WNT7B: variants seen among roughly 807,000 people sequenced by gnomAD.
WNT7B encodes protein Wnt-7b.
Under a neutral mutation model 38.2 loss-of-function variants are expected in WNT7B, and 19 were observed. The observed-to-expected ratio is 0.50, with a 90% CI of 0.35 to 0.73. The LOEUF is 0.73. Among genes scored for constraint, WNT7B ranks in the 30% least tolerant of loss-of-function variants. The pLI is 0.01. For synonymous variants in WNT7B, 243 were observed against 209.3 expected, an observed-to-expected ratio of 1.16 and a Z score of -1.39; for missense variants, 423 against 507.9, an observed-to-expected ratio of 0.83 and a Z score of 1.61.
At chr22:45,925,372 C>G in intron 3 of WNT7B, 1 of 985,312 alleles carries the variant, frequency 1.0e-6, no homozygotes. Context: ...ACTGGAGAGA[C>G]TTGAGGGAGG....
In WNT7B at chr22:45,976,843, G is replaced by T; in HGVS notation, c.-89C>A. ...GGCCGGGCAGGGGCCAGGGGGCTGC[G>T]GGCAGACTGCGCTCAGCCCGCGCTG... On this transcript the variant is annotated 5_prime_UTR_variant, in exon 1 of 4. Transcript: ENST00000339464. This position sits in a 1 kb window ranked among gnomAD's most constrained non-coding sequence, Gnocchi z 8.5. The T allele has an allele frequency of 8.2e-7, 1 of 1,222,592 alleles. No homozygotes were observed. The highest frequency in any genetic ancestry group is 4.6e-5 in the East Asian group (1 of 21,674). The allele number at this position is 1,222,592 out of a possible 1,614,324, so 75.7% of individuals were successfully genotyped here.
At chr22:45,948,594 C>T (rs1373643759) in intron 2 of WNT7B, among the ~76,000 whole-genome samples, 1 of 152,208 alleles carries the variant, frequency 6.6e-6, no homozygotes, top group Non-Finnish European at 1.5e-5. Context: ...CAGTTATCCC[C>T]CCCCTCCTCT....
At chr22:45,932,439 C>T (rs1299458330) in intron 2 of WNT7B, among the ~76,000 whole-genome samples, 2 of 151,406 alleles carry the variant, frequency 1.3e-5, no homozygotes, top group Non-Finnish European at 3.0e-5. Context: ...GAAGGGAGCA[C>T]TTGGTACCTG....
At chr22:45,927,359 AGGGCG>A (rs1931118080) in intron 3 of WNT7B, 9 of 1,478,182 alleles carry the variant, frequency 6.1e-6, no homozygotes, top group South Asian at 1.4e-5. Context: ...AAGTGGGGGC[AGGGCG>A]GGGGCGGGCC....
chr22:45,963,575 C>CTTAGAG (rs1236978124), intron 1 of WNT7B, among the ~76,000 whole-genome samples: 1 of 152,078 alleles, frequency 6.6e-6, no homozygotes, highest in African/African-American at 2.4e-5. Context: ...CATCTTGGGC[C>CTTAGAG]AGGCCACACA....
In WNT7B at chr22:45,942,132, A is replaced by G. The variant is rs1396359275; in HGVS notation, c.298+7788T>C. ...CCGCCTCCCCAGTTTACTGGTGTAG[A>G]GATTGAGACCAAGGGAGGTGAGGAG... On this transcript the variant is annotated intron_variant, in intron 2 of 3. Transcript: ENST00000339464. Among the ~76,000 whole-genome samples the G allele has an allele frequency of 5.9e-5, 9 of 152,222 alleles. 1 individual carries two copies. The South Asian group carries it at 1.0e-3, about 18-fold the overall frequency.
intron 2 of WNT7B, among the ~76,000 whole-genome samples, chr22:45,935,057 G>C (rs1379011366): frequency 3.9e-5 from 6 of 152,206 alleles, no homozygotes; most frequent in Middle Eastern, 3.2e-3. Context: ...GGTGTGCCTA[G>C]GTGTGTAGTG....
intron 3 of WNT7B, among the ~76,000 whole-genome samples, chr22:45,930,464 C>T (rs1004265286): frequency 2.0e-5 from 3 of 152,232 alleles, no homozygotes; most frequent in African/African-American, 7.2e-5. Flanking sequence ...CGTGCAGCTG[C>T]TCCTCCCAGC....
intron 3 of WNT7B, among the ~76,000 whole-genome samples, chr22:45,930,416 C>T (rs1179433336): frequency 6.6e-6 from 1 of 152,262 alleles, no homozygotes; most frequent in Non-Finnish European, 1.5e-5. Context: ...CTGGGCGTTC[C>T]ACTTGGCTGG....
At chr22:45,928,039 GC>G (rs1330277686) in intron 3 of WNT7B, among the ~76,000 whole-genome samples, 1 of 152,202 alleles carries the variant, frequency 6.6e-6, no homozygotes, top group Non-Finnish European at 1.5e-5. Context: ...CTCCCCTGCT[GC>G]CTAGAGGGAG....
Position 45,931,176 on chromosome 22 carries a change from C to T in WNT7B, c.492G>A (p.Arg164=). Residue 164 remains arginine, a synonymous_variant, in exon 3 of 4, where the codon CGG becomes CGA. Coordinates refer to ENST00000339464, the MANE Select transcript of WNT7B (RefSeq NM_058238.3). ...TGATCTCCCGAGCGTCCACGAAGCG[C>T]CGGGAGAAGTCGATGCCGTAACGCA... ...ADVRYGIDFS[R]RFVDAREIKK... 2 of 1,599,654 alleles carry T rather than the reference C, an allele frequency of 1.3e-6. No homozygotes were observed. Among genetic ancestry groups the T allele is most frequent in the Non-Finnish European group, 1.7e-6 (2 of 1,179,646 alleles).
intron 1 of WNT7B, among the ~76,000 whole-genome samples, chr22:45,967,200 G>A (rs1313813093): frequency 1.3e-5 from 2 of 152,198 alleles, no homozygotes; most frequent in East Asian, 1.9e-4. Context: ...CTTGGCCAGC[G>A]GGCGGCCCGC....
intron 2 of WNT7B, among the ~76,000 whole-genome samples, 195 bp from the exon 3 acceptor site, chr22:45,931,564 C>T (rs899224549): frequency 2.0e-5 from 3 of 152,164 alleles, no homozygotes; most frequent in Admixed American, 6.5e-5. Context: ...ATGGTAGGGG[C>T]AGCACCTGGT....
chr22:45,969,638 A>T (rs1208140609), intron 1 of WNT7B, among the ~76,000 whole-genome samples: 3 of 152,086 alleles, frequency 2.0e-5, no homozygotes, highest in Non-Finnish European at 4.4e-5. Flanking sequence ...AGGCCAACAC[A>T]CCCGTCCAAC....
chr22:45,955,749 G>A (rs1160011627), intron 1 of WNT7B, among the ~76,000 whole-genome samples: 2 of 152,174 alleles, frequency 1.3e-5, no homozygotes, highest in East Asian at 1.9e-4. Flanking sequence ...CCCCAGCCTG[G>A]GCCAGTCCAC....
chr22:45,945,618 A>T lies in WNT7B; in HGVS notation c.298+4302T>A, dbSNP rs1371778365. ...ACCAGAGTGAACAAGTGAAGAATCC[A>T]GCCCTCGAGACCTCGTCCCTGCTGG... On this transcript the variant is annotated intron_variant, in intron 2 of 3. Transcript: ENST00000339464. 2.0e-5 allele frequency among the ~76,000 whole-genome samples: 3 copies of T among 152,250 alleles called. No individual in the cohort carries two copies. In the East Asian group the frequency reaches 5.8e-4, roughly 29 times the overall value.
chr22:45,947,547 G>A (rs1236840248), intron 2 of WNT7B, among the ~76,000 whole-genome samples: 1 of 152,234 alleles, frequency 6.6e-6, no homozygotes, highest in Non-Finnish European at 1.5e-5. Flanking sequence ...TGGAAGCCAT[G>A]AGCAGGAGTG....
rs1358667830 is a variant in WNT7B, at chr22:45,951,913, G to C, written c.72-1767C>G. 6.6e-6 allele frequency among the ~76,000 whole-genome samples: 1 copy of C among 152,216 alleles called. No homozygotes were observed. The highest frequency in any genetic ancestry group is 2.4e-5 in the African/African-American group (1 of 41,446). Reference sequence around the variant, plus strand: ...ATGGACCTATGAGTTGCTGGGTCAGGTGGTCCCTTCGCTTTCTGAGGACTT... The same window carrying C: ...ATGGACCTATGAGTTGCTGGGTCAGCTGGTCCCTTCGCTTTCTGAGGACTT... On this transcript the variant is annotated intron_variant, in intron 1 of 3. Transcript: ENST00000339464. The surrounding 1 kb of genome is among the most constrained non-coding windows in gnomAD (Gnocchi z 4.8).
At chr22:45,928,971 A>C (rs947012666) in intron 3 of WNT7B, among the ~76,000 whole-genome samples, 1 of 117,776 alleles carries the variant, frequency 8.5e-6, no homozygotes, top group Non-Finnish European at 1.8e-5. Context: ...ACAAGCAGGG[A>C]CCCGAGCTTA....
Sources: allele counts gnomAD v4.1 joint callset (sites outside exome capture counted in the v4.1 genomes callset), GRCh38; gene constraint gnomAD v4.1.1; non-coding constraint Gnocchi (gnomAD v3.1); transcripts MANE v1.5; gene names NCBI Gene and HGNC (gene_info 2026-07-23, HGNC 2026-07-21).